The following PCNX1 variants were observed in gnomAD, a reference collection of about 807,000 sequenced individuals.
PCNX1 encodes pecanex 1, also known as pecanex-like protein 1.
Under a neutral mutation model 242.2 loss-of-function variants are expected in PCNX1, and 78 were observed. The ratio of observed to expected loss-of-function variants is 0.32; its 90% CI spans 0.27 to 0.39. The LOEUF is 0.39. Ranked by LOEUF, PCNX1 falls within the 10% of genes least tolerant of loss-of-function variation. The pLI is 1.00. For missense variants in PCNX1, 2,581 were observed against 2,856.5 expected, an observed-to-expected ratio of 0.90 and a Z score of 2.20; for synonymous variants, 1,024 against 1,032.9, an observed-to-expected ratio of 0.99 and a Z score of 0.17.
intron 2 of PCNX1, among the ~76,000 whole-genome samples, chr14:70,949,532 A>G (rs1278115299): frequency 6.6e-6 from 1 of 152,086 alleles, no homozygotes; most frequent in African/African-American, 2.4e-5. Context: ...TATAAGTAGT[A>G]TACTTTACTT....
At chr14:70,947,310 T>A (rs949989535) in intron 2 of PCNX1, among the ~76,000 whole-genome samples, 187 bp downstream of exon 2, 4 of 152,172 alleles carry the variant, frequency 2.6e-5, no homozygotes, top group African/African-American at 9.7e-5. Context: ...CTGGTGTGTT[T>A]GGGGGATTAA....
chr14:70,932,358 C>T (rs867044079), intron 1 of PCNX1, among the ~76,000 whole-genome samples: 4 of 151,990 alleles, frequency 2.6e-5, no homozygotes, highest in Non-Finnish European at 4.4e-5. Flanking sequence ...ATGTAAACTT[C>T]GGGGTATCTT....
intron 1 of PCNX1, among the ~76,000 whole-genome samples, chr14:70,915,983 A>G (rs1275794903): frequency 1.3e-5 from 2 of 152,158 alleles, no homozygotes; most frequent in Non-Finnish European, 2.9e-5. Flanking sequence ...GGAGGAAGGG[A>G]TAAACAGTTC....
intron 30 of PCNX1, among the ~76,000 whole-genome samples, 165 bp from the exon 31 acceptor site, chr14:71,101,824 TC>T (rs1333203444): frequency 6.6e-6 from 1 of 152,210 alleles, no homozygotes; most frequent in Non-Finnish European, 1.5e-5. Flanking sequence ...ATGAGCTACT[TC>T]CTAACCCAGT....
At chr14:71,100,662 G>A (rs796561474) in intron 30 of PCNX1, among the ~76,000 whole-genome samples, 26 of 152,192 alleles carry the variant, frequency 1.7e-4, no homozygotes, top group African/African-American at 6.3e-4. Context: ...AAATGCTCTT[G>A]AGTTATTCCC....
At chr14:70,937,770 G>C (rs907663305) in intron 1 of PCNX1, among the ~76,000 whole-genome samples, 2 of 152,178 alleles carry the variant, frequency 1.3e-5, no homozygotes, top group African/African-American at 4.8e-5. Context: ...CCATGAGCAT[G>C]GAATGTTCTT....
At chr14:70,947,738 C>T (rs567010148) in intron 2 of PCNX1, among the ~76,000 whole-genome samples, 3 of 152,258 alleles carry the variant, frequency 2.0e-5, no homozygotes, top group East Asian at 1.9e-4. Flanking sequence ...AGGATAACAG[C>T]GATTTTCAGG....
intron 24 of PCNX1, among the ~76,000 whole-genome samples, chr14:71,052,558 A>G (rs1328670303): frequency 6.7e-6 from 1 of 150,008 alleles, no homozygotes; most frequent in Non-Finnish European, 1.5e-5. Context: ...TTCTGATTGA[A>G]TATGTTCATG....
chr14:70,999,773 T>G (rs1188540885), intron 8 of PCNX1, among the ~76,000 whole-genome samples: 4 of 152,180 alleles, frequency 2.6e-5, no homozygotes, highest in South Asian at 2.1e-4. Context: ...ATTTGGAAGC[T>G]TTTAGATTTT....
In PCNX1 at chr14:70,979,437, T is replaced by C. The variant is rs78444786; in HGVS notation, c.2311+789T>C. The stretch of plus-strand genomic sequence containing the variant: ...TTGGCCTCTTTATTTCAGAGTTATT[T>C]CTTGCTGTGTTCTTCTGCCCAAGAT... On this transcript the variant is annotated intron_variant, in intron 6 of 35. Transcript: ENST00000304743. 9.0e-3 allele frequency among the ~76,000 whole-genome samples: 1,364 copies of C among 151,614 alleles called. 11 individuals carry two copies. Among genetic ancestry groups the C allele is most frequent in the Non-Finnish European group, 0.012 (842 of 67,692 alleles).
At chr14:70,941,039 A>G (rs2057220438) in intron 1 of PCNX1, among the ~76,000 whole-genome samples, 1 of 152,062 alleles carries the variant, frequency 6.6e-6, no homozygotes, top group Non-Finnish European at 1.5e-5. Context: ...TCTTTTTTCA[A>G]GGTTTTTAGC....
Position 71,036,165 on chromosome 14 carries a change from A to G in PCNX1, c.3867+8A>G, listed in dbSNP as rs1207444984. 6.6e-7 allele frequency: 1 copy of G among 1,520,878 alleles called. No individual in the cohort carries two copies. The highest frequency in any genetic ancestry group is 2.2e-5 in the East Asian group (1 of 44,466). The allele number at this position is 1,520,878 out of a possible 1,614,324, so 94.2% of individuals were successfully genotyped here. ...GTCTTCACAGTATTGCAGGTAAGGA[A>G]TCATTTTCTCCTTTTATTTGTTTGT... On this transcript the variant is annotated splice_region_variant and intron_variant, in intron 19 of 35. Coordinates refer to ENST00000304743, the MANE Select transcript of PCNX1 (RefSeq NM_014982.3).
chr14:70,977,181 G>A lies in PCNX1; in HGVS notation c.844G>A (p.Gly282Ser), dbSNP rs758356358. ...TTATAGAAAAGACCACCGGCCGCGA[G>A]GTGTACCACGGACTTCTAGCTCTGC... ...HSYRKDHRPR[G>S]VPRTSSSAVA... The change falls in exon 6 of 36, where the codon GGT (glycine) becomes AGT (serine). Residue 282 changes from glycine to serine, a missense_variant. Gly to Ser is a moderately conservative substitution (Grantham distance 56). Coordinates refer to ENST00000304743, the MANE Select transcript of PCNX1 (RefSeq NM_014982.3). The A allele has an allele frequency of 6.2e-7, 1 of 1,614,146 alleles. No individual in the cohort carries two copies. The highest frequency in any genetic ancestry group is 1.7e-5 in the Admixed American group (1 of 60,004).
chr14:71,098,543 T>TGA lies in PCNX1; in HGVS notation c.5590-3446_5590-3445insAG, dbSNP rs1404094026. Among the ~76,000 whole-genome samples, 104 of 136,778 alleles carry TGA rather than the reference T, an allele frequency of 7.6e-4. 1 individual carries two copies. Among genetic ancestry groups the TGA allele is most frequent in the African/African-American group, 1.4e-3 (49 of 34,892 alleles). The allele number at this position is 136,778 out of a possible 152,430, so 89.7% of individuals were successfully genotyped here. On this transcript the variant is annotated intron_variant, in intron 30 of 35. Coordinates refer to ENST00000304743, the MANE Select transcript of PCNX1 (RefSeq NM_014982.3). ...GTGTGTGTGTGTGTGTGTGTGTGTG[T>TGA]GTGTGTGTGTGAGAGAGAGAGAGAG...
At chr14:70,968,062 A>T in intron 3 of PCNX1, 136 bp from the exon 4 acceptor site, 1 of 685,992 alleles carries the variant, frequency 1.5e-6, no homozygotes, top group Non-Finnish European at 2.5e-6. Context: ...TCCAACAAGT[A>T]TCTTCTAATA....
intron 30 of PCNX1, 86 bp downstream of exon 30, chr14:71,089,428 G>T: frequency 1.0e-6 from 1 of 991,186 alleles, no homozygotes; most frequent in Non-Finnish European, 1.5e-6. Context: ...TTCTCACGCT[G>T]CTGTAAGGAA....
Position 70,907,978 on chromosome 14 carries a change from TG to T in PCNX1, c.131del (p.Gly44AlafsTer14). On this transcript the variant is annotated frameshift_variant, in exon 1 of 36. Coordinates refer to ENST00000304743, the MANE Select transcript of PCNX1 (RefSeq NM_014982.3). LOFTEE classifies it high-confidence loss of function. ...ALHLYLWLFLLGLPFTLYMAL... is the reference protein window; with the variant it reads ...ALHLYLWLFLXGLPFTLYMAL... The stretch of plus-strand genomic sequence containing the variant: ...CACCTCTACCTGTGGCTCTTTCTGC[TG>T]GGCCTGCCCTTCACCCTCTACATGG... 6.3e-7 allele frequency: 1 copy of T among 1,598,246 alleles called. No homozygotes were observed. Among genetic ancestry groups the T allele is most frequent in the South Asian group, 1.1e-5 (1 of 89,528 alleles).
chr14:70,978,512 C>T lies in PCNX1; in HGVS notation c.2175C>T (p.Ala725=). The stretch of plus-strand genomic sequence containing the variant: ...CCACTTCAAAATCAGATCTTGAGGC[C>T]AAAGAGGGAGAGGTGCTAGATGAGC... The part of the protein sequence containing the change: ...PLTTSKSDLE[A]KEGEVLDELS... Residue 725 remains alanine (A), a synonymous_variant, in exon 6 of 36, where the codon GCC becomes GCT. Coordinates refer to ENST00000304743, the MANE Select transcript of PCNX1 (RefSeq NM_014982.3). 2.5e-6 allele frequency: 4 copies of T among 1,614,102 alleles called. No individual in the cohort carries two copies. The highest frequency in any genetic ancestry group is 3.4e-6 in the Non-Finnish European group (4 of 1,180,016).
At chr14:71,035,885 GA>G (rs1442895285) in intron 18 of PCNX1, among the ~76,000 whole-genome samples, 179 bp from the exon 19 acceptor site, 2 of 152,110 alleles carry the variant, frequency 1.3e-5, no homozygotes, top group African/African-American at 2.4e-5. Context: ...CTCCATCTTA[GA>G]GAAAGAGAGA....
Sources: allele counts gnomAD v4.1 joint callset (sites outside exome capture counted in the v4.1 genomes callset), GRCh38; gene constraint gnomAD v4.1.1; transcripts MANE v1.5; gene names NCBI Gene and HGNC (gene_info 2026-07-23, HGNC 2026-07-21).